The following DLGAP2 variants were observed in gnomAD, a reference collection of about 807,000 sequenced individuals.
DLGAP2 encodes the protein DLG associated protein 2.
Under a neutral mutation model 100.3 loss-of-function variants are expected in DLGAP2, and 26 were observed. The observed-to-expected ratio is 0.26, with a 90% CI of 0.19 to 0.36. The LOEUF (loss-of-function observed/expected upper bound fraction) is 0.36. DLGAP2 is among the 10% of genes least tolerant of loss of function. The pLI, the probability that DLGAP2 is intolerant of heterozygous loss-of-function variation, is 1.00. For synonymous variants in DLGAP2, 886 were observed against 630.1 expected, an observed-to-expected ratio of 1.41 and a Z score of -6.08; for missense variants, 1,858 against 1,453.2, an observed-to-expected ratio of 1.28 and a Z score of -4.53.
chr8:1,255,486 G>T (rs200395521), intron 2 of DLGAP2, among the ~76,000 whole-genome samples: 1 of 90,364 alleles, frequency 1.1e-5, no homozygotes, highest in African/African-American at 5.6e-5. Flanking sequence ...GTGTGTGTGT[G>T]TCCTCATCTT....
At chr8:1,208,047 C>T (rs1308690293) in intron 2 of DLGAP2, among the ~76,000 whole-genome samples, 1 of 152,142 alleles carries the variant, frequency 6.6e-6, no homozygotes, top group Non-Finnish European at 1.5e-5. Flanking sequence ...ATTTCTTTTG[C>T]TGTGCAGAAG....
At chr8:1,188,046 G>A (rs559110921) in intron 2 of DLGAP2, among the ~76,000 whole-genome samples, 8 of 126,298 alleles carry the variant, frequency 6.3e-5, no homozygotes, top group East Asian at 2.3e-4. Flanking sequence ...TTTCCCTCAC[G>A]GAATCTCACA....
intron 1 of DLGAP2, among the ~76,000 whole-genome samples, chr8:898,928 C>T (rs1382798969): frequency 6.6e-6 from 1 of 152,228 alleles, no homozygotes; most frequent in Non-Finnish European, 1.5e-5. Context: ...GCCGACAGTT[C>T]CTGGGAGCTT....
In DLGAP2 at chr8:1,431,362, G is replaced by T. The variant is rs28501642; in HGVS notation, c.107-70004G>T. 4.6e-5 allele frequency among the ~76,000 whole-genome samples: 7 copies of T among 152,290 alleles called. No homozygotes were observed. The East Asian group carries it at 1.4e-3, about 29-fold the overall frequency. ...CTTTATTCATCTGTTCATTCATTGTGCTCCTTGACTGCACGTCTGATCCAT... is the reference window on the plus strand; with the variant it reads ...CTTTATTCATCTGTTCATTCATTGTTCTCCTTGACTGCACGTCTGATCCAT... On this transcript the variant is annotated intron_variant, in intron 3 of 14. Transcript: ENST00000637795.
rs760888429 is a variant in DLGAP2 at position 1,548,854 on chromosome 8, G to A, written c.401G>A (p.Arg134His). ...GACAGCTGCCCCGGGGGGCGCCACC[G>A]CTGCTCGCCGCGCAGCTCGGTGCAC... Reference protein sequence around the residue: ...PADSCPGGRHRCSPRSSVHSE... With the variant: ...PADSCPGGRHHCSPRSSVHSE... Residue 134 changes from arginine (R) to histidine (H), a missense_variant, in exon 5 of 15, where the codon CGC becomes CAC. Transcript: ENST00000637795. 3 of 1,582,026 alleles carry A rather than the reference G, an allele frequency of 1.9e-6. No homozygotes were observed. Among genetic ancestry groups the A allele is most frequent in the Non-Finnish European group, 2.6e-6 (3 of 1,168,288 alleles).
At chr8:1,374,912 C>G (rs530993357) in intron 3 of DLGAP2, among the ~76,000 whole-genome samples, 4 of 152,284 alleles carry the variant, frequency 2.6e-5, no homozygotes, top group East Asian at 1.9e-4. Flanking sequence ...AGTGGGATCC[C>G]AAGCCCAATA....
At chr8:1,310,446 T>C (rs1800587813) in intron 3 of DLGAP2, among the ~76,000 whole-genome samples, 1 of 152,090 alleles carries the variant, frequency 6.6e-6, no homozygotes, top group South Asian at 2.1e-4. Context: ...TGAACCACTT[T>C]CAATAGTAAG....
intron 3 of DLGAP2, among the ~76,000 whole-genome samples, chr8:1,416,118 G>T (rs1272719667): frequency 3.9e-5 from 6 of 152,204 alleles, no homozygotes; most frequent in Non-Finnish European, 2.9e-5. Context: ...TCTGCTTGAG[G>T]TGCTAAAGAG....
At chr8:1,311,572 A>T (rs1029223760) in intron 3 of DLGAP2, among the ~76,000 whole-genome samples, 24 of 152,238 alleles carry the variant, frequency 1.6e-4, no homozygotes, top group African/African-American at 5.5e-4. Flanking sequence ...TAAAAGGTTT[A>T]GACTTGTCAT....
chr8:876,995 C>A (rs541858465), intron 1 of DLGAP2, among the ~76,000 whole-genome samples: 1 of 147,468 alleles, frequency 6.8e-6, no homozygotes, highest in African/African-American at 2.4e-5. Flanking sequence ...TATATTTTTA[C>A]CAGGTTTTTT....
intron 2 of DLGAP2, among the ~76,000 whole-genome samples, chr8:975,538 A>C (rs897066683): frequency 6.6e-6 from 1 of 152,200 alleles, no homozygotes; most frequent in Non-Finnish European, 1.5e-5. Flanking sequence ...GTATAAAAAT[A>C]ATTTTACACC....
At chr8:982,525 T>C (rs755126765) in intron 2 of DLGAP2, among the ~76,000 whole-genome samples, 1 of 152,188 alleles carries the variant, frequency 6.6e-6, no homozygotes, top group Non-Finnish European at 1.5e-5. Context: ...GTGATAGATA[T>C]TTTTTCTTTG....
intron 1 of DLGAP2, among the ~76,000 whole-genome samples, chr8:805,303 T>C (rs558321889): frequency 1.3e-4 from 20 of 152,208 alleles, no homozygotes; most frequent in Non-Finnish European, 2.4e-4. Context: ...TCATTTCTTC[T>C]GGATGGTTTC....
At chr8:1,576,431 T>C (rs974105974) in intron 6 of DLGAP2, among the ~76,000 whole-genome samples, 1 of 152,250 alleles carries the variant, frequency 6.6e-6, no homozygotes, top group African/African-American at 2.4e-5. Flanking sequence ...CTGTTCGCTC[T>C]GATAGTAGTT....
At chr8:1,502,638 A>G (rs6996916) in intron 4 of DLGAP2, among the ~76,000 whole-genome samples, 3,843 of 152,232 alleles carry the variant, frequency 0.025, 166 homozygotes, top group African/African-American at 0.087. Context: ...ATAATTATGC[A>G]TCTGTTTTTT....
chr8:925,271 A>G (rs916605253), intron 2 of DLGAP2, among the ~76,000 whole-genome samples: 24 of 152,184 alleles, frequency 1.6e-4, no homozygotes, highest in Non-Finnish European at 1.0e-4. Context: ...TTGCTCAGCT[A>G]ATTTTTATTT....
intron 8 of DLGAP2, among the ~76,000 whole-genome samples, chr8:1,653,815 C>T (rs913153126): frequency 1.1e-4 from 17 of 152,176 alleles, no homozygotes; most frequent in Admixed American, 1.1e-3. Flanking sequence ...TTCCAACCTT[C>T]TGATCAAGCT....
At chr8:1,050,946 G>A (rs924440040) in intron 2 of DLGAP2, among the ~76,000 whole-genome samples, 1 of 147,192 alleles carries the variant, frequency 6.8e-6, no homozygotes, top group African/African-American at 2.5e-5. Flanking sequence ...TGGGTGGGGG[G>A]TCATTTTGTG....
At chr8:1,223,701 G>A (rs1316253678) in intron 2 of DLGAP2, among the ~76,000 whole-genome samples, 1 of 152,146 alleles carries the variant, frequency 6.6e-6, no homozygotes, top group Non-Finnish European at 1.5e-5. Context: ...GCCACTGTGG[G>A]CCCCTGCAGC....
Sources: gnomAD v4.1 joint callset for allele counts (sites outside exome capture counted in the v4.1 genomes callset) on GRCh38, gnomAD v4.1.1 for gene constraint, MANE v1.5 for transcripts, NCBI Gene and HGNC (gene_info 2026-07-23, HGNC 2026-07-21) for gene names.